JAK1: variants seen among roughly 807,000 people sequenced by gnomAD.
The protein encoded by JAK1 is Janus kinase 1.
In JAK1, 16 loss-of-function variants were observed where a neutral mutation model predicts 136.6. That is an observed-to-expected ratio of 0.12 (90% CI 0.08 to 0.18). The LOEUF is 0.18. Ranked by LOEUF, JAK1 falls within the 10% of genes least tolerant of loss-of-function variation. The pLI is 1.00. For synonymous variants in JAK1, 492 were observed against 519.5 expected, an observed-to-expected ratio of 0.95 and a Z score of 0.72; for missense variants, 859 against 1,450.1, an observed-to-expected ratio of 0.59 and a Z score of 6.62.
chr1:64,878,561 G>GTGTATGTATGTATATA (rs1298801037), intron 4 of JAK1, among the ~76,000 whole-genome samples: 1 of 119,932 alleles, frequency 8.3e-6, no homozygotes, highest in Non-Finnish European at 1.8e-5. Context: ...TATATAGTGT[G>GTGTATGTATGTATATA]TATATATATA....
chr1:64,869,160 C>T (rs1411330852), intron 6 of JAK1, 151 bp downstream of exon 6: 11 of 652,340 alleles, frequency 1.7e-5, no homozygotes, highest in Admixed American at 5.3e-5. Context: ...AATTAGGCTA[C>T]GTGTATGTAG....
intron 14 of JAK1, among the ~76,000 whole-genome samples, chr1:64,846,113 T>TA (rs916029688): frequency 3.0e-4 from 45 of 150,348 alleles, no homozygotes; most frequent in East Asian, 9.7e-4. Flanking sequence ...CACTTGGGGT[T>TA]AAAAAAAAAA....
At chr1:64,861,453 T>C (rs1656334705) in intron 8 of JAK1, among the ~76,000 whole-genome samples, 1 of 152,156 alleles carries the variant, frequency 6.6e-6, no homozygotes, top group Non-Finnish European at 1.5e-5. Flanking sequence ...GTCCTGATCA[T>C]TGATCCCTGA....
intron 1 of JAK1, among the ~76,000 whole-genome samples, chr1:64,887,894 C>T (rs754237805): frequency 3.3e-5 from 5 of 152,174 alleles, no homozygotes. Context: ...CTCCTTTTTA[C>T]ACTTGGGCAC....
At position 64,860,237 on chromosome 1, in the gene JAK1, T is replaced by A. The variant is rs764314225; in HGVS notation, c.1202A>T (p.Glu401Val). 27 of 1,606,610 alleles carry A rather than the reference T, an allele frequency of 1.7e-5. No individual in the cohort carries two copies. The highest frequency in any genetic ancestry group is 2.1e-5 in the Non-Finnish European group (25 of 1,175,156). Reference protein sequence around the residue: ...KMELKLSSHEEALSFVSLVDG... With the variant: ...KMELKLSSHEVALSFVSLVDG... Reference sequence around the variant, plus strand: ...TACCAGGGACACAAAGGACAAGGCCTCCTCGTGGGAAGAGAGCTTCAGTTC... The same window carrying A: ...TACCAGGGACACAAAGGACAAGGCCACCTCGTGGGAAGAGAGCTTCAGTTC... Residue 401 changes from glutamate (E) to valine (V), a missense_variant, in exon 9 of 25, where the codon GAG becomes GTG. This residue lies in a region of JAK1 where 353 missense variants were observed against 494.0 expected (regional missense o/e 0.71). Coordinates refer to ENST00000342505, the MANE Select transcript of JAK1 (RefSeq NM_002227.4).
intron 1 of JAK1, among the ~76,000 whole-genome samples, chr1:65,064,747 G>A (rs1647966936): frequency 6.6e-6 from 1 of 152,148 alleles, no homozygotes; most frequent in African/African-American, 2.4e-5. Flanking sequence ...AGCTGTCACT[G>A]CATCCTCAGG....
At chr1:64,885,644 T>G (rs1405684671) in intron 2 of JAK1, among the ~76,000 whole-genome samples, 1 of 151,534 alleles carries the variant, frequency 6.6e-6, no homozygotes, top group Non-Finnish European at 1.5e-5. Flanking sequence ...TCCCACCTAC[T>G]CGGGAGGCTG....
intron 20 of JAK1, among the ~76,000 whole-genome samples, chr1:64,838,916 C>CG (rs1654672996): frequency 6.6e-6 from 1 of 151,782 alleles, no homozygotes; most frequent in Admixed American, 6.6e-5. Context: ...GAGGCCGAGG[C>CG]GGGCGGATCA....
intron 1 of JAK1, among the ~76,000 whole-genome samples, chr1:64,944,377 G>A (rs1645946004): frequency 6.6e-6 from 1 of 151,980 alleles, no homozygotes; most frequent in Admixed American, 6.6e-5. Context: ...TCTCATTTAG[G>A]AATATAAATA....
At chr1:64,835,835 C>G (rs1196116457) in intron 23 of JAK1, among the ~76,000 whole-genome samples, 1 of 151,996 alleles carries the variant, frequency 6.6e-6, no homozygotes, top group Admixed American at 6.5e-5. Flanking sequence ...TGCTCATTTT[C>G]CCATAAAACT....
At chr1:64,856,643 G>T (rs1250825258) in intron 10 of JAK1, among the ~76,000 whole-genome samples, 1 of 152,144 alleles carries the variant, frequency 6.6e-6, no homozygotes, top group Non-Finnish European at 1.5e-5. Flanking sequence ...TTCCTCCAAT[G>T]ACTGATGAAT....
intron 2 of JAK1, among the ~76,000 whole-genome samples, chr1:64,885,315 A>C (rs1644834914): frequency 6.6e-6 from 1 of 152,238 alleles, no homozygotes; most frequent in Non-Finnish European, 1.5e-5. Context: ...CTGCTTCATA[A>C]TGTAAGATAA....
intron 12 of JAK1, among the ~76,000 whole-genome samples, chr1:64,849,802 G>A (rs373959272): frequency 3.3e-5 from 5 of 152,226 alleles, no homozygotes; most frequent in African/African-American, 7.2e-5. Context: ...ACACAGAAAA[G>A]AGGCTATGAA....
intron 2 of JAK1, among the ~76,000 whole-genome samples, chr1:65,009,658 A>AGACAC (rs994776347): frequency 3.9e-5 from 6 of 152,234 alleles, no homozygotes; most frequent in Non-Finnish European, 7.3e-5. Flanking sequence ...GCTATGATCC[A>AGACAC]GACACATGTT....
intron 1 of JAK1, among the ~76,000 whole-genome samples, chr1:64,929,713 G>C (rs1326668789): frequency 6.6e-6 from 1 of 152,074 alleles, no homozygotes; most frequent in Admixed American, 6.6e-5. Context: ...CTACAAGTCT[G>C]AACTTATAAG....
intron 1 of JAK1, among the ~76,000 whole-genome samples, chr1:64,940,111 CATACTG>C (rs1360523831): frequency 6.6e-6 from 1 of 152,096 alleles, no homozygotes; most frequent in African/African-American, 2.4e-5. Flanking sequence ...TACACACAGG[CATACTG>C]ATAGCTTCAA....
chr1:64,896,050 T>C (rs941203489), intron 1 of JAK1, among the ~76,000 whole-genome samples: 4 of 152,230 alleles, frequency 2.6e-5, no homozygotes, highest in Admixed American at 6.5e-5. Flanking sequence ...AGATGGTAGA[T>C]GGGTATCCTG....
At chr1:65,026,189 G>A (rs1646976657) in intron 2 of JAK1, among the ~76,000 whole-genome samples, 1 of 152,140 alleles carries the variant, frequency 6.6e-6, no homozygotes, top group Admixed American at 6.5e-5. Flanking sequence ...CTTTCCAGAT[G>A]GGACTGCAGA....
At chr1:65,060,014 C>T (rs1647719550) in intron 1 of JAK1, among the ~76,000 whole-genome samples, 2 of 151,950 alleles carry the variant, frequency 1.3e-5, no homozygotes, top group African/African-American at 4.8e-5. Context: ...TCCACCTACA[C>T]ACAAATTAAA....
Sources: allele counts gnomAD v4.1 joint callset (sites outside exome capture counted in the v4.1 genomes callset), GRCh38; gene constraint gnomAD v4.1.1; regional missense constraint gnomAD v4.1.1; transcripts MANE v1.5; gene names NCBI Gene and HGNC (gene_info 2026-07-23, HGNC 2026-07-21).